The following PDHX variants were observed in gnomAD, a reference collection of about 807,000 sequenced individuals.
PDHX encodes the protein pyruvate dehydrogenase protein X component, mitochondrial.
Under a neutral mutation model 55.3 loss-of-function variants are expected in PDHX, and 33 were observed. The ratio of observed to expected loss-of-function variants is 0.60; its 90% confidence interval spans 0.45 to 0.80. The LOEUF (loss-of-function observed/expected upper bound fraction) is 0.80. Among genes scored for constraint, PDHX ranks in the 30% least tolerant of loss-of-function variants. The pLI is 0.00. For synonymous variants in PDHX, 226 were observed against 219.4 expected (o/e 1.03, Z -0.27); for missense variants, 622 against 619.9 (o/e 1.00, Z -0.04).
At position 34,960,440 on chromosome 11, in the gene PDHX, C is replaced by G; in HGVS notation, c.563C>G (p.Ala188Gly). The change falls in exon 5 of 11, where the codon GCC becomes GGC. Residue 188 changes from alanine (A) to glycine (G), a missense_variant. Coordinates refer to ENST00000227868, the MANE Select transcript of PDHX (RefSeq NM_003477.3). ...GTLRFRLSPA[A>G]RNILEKHSLD... ...CTTAGGTTCCGTTTAAGTCCAGCTG[C>G]CCGCAATATTCTGGAAAAACACTCA... The G allele has an allele frequency of 1.2e-6, 2 of 1,612,958 alleles. No individual in the cohort carries two copies. Among genetic ancestry groups the G allele is most frequent in the Non-Finnish European group, 1.7e-6 (2 of 1,179,224 alleles).
intron 7 of PDHX, 126 bp downstream of exon 7, chr11:34,970,412 G>T: frequency 2.5e-6 from 2 of 789,892 alleles, no homozygotes; most frequent in South Asian, 1.6e-5. Flanking sequence ...TAATGTACTT[G>T]CACTCTACTC....
chr11:34,992,783 C>G (rs2134006495), intron 10 of PDHX, among the ~76,000 whole-genome samples: 1 of 152,160 alleles, frequency 6.6e-6, no homozygotes, highest in African/African-American at 2.4e-5. Context: ...TGCGTTGCTT[C>G]CAGTTCGGGG....
chr11:34,969,080 C>T (rs1233714510), intron 6 of PDHX, among the ~76,000 whole-genome samples: 1 of 152,144 alleles, frequency 6.6e-6, no homozygotes, highest in African/African-American at 2.4e-5. Context: ...GGCAAACAAC[C>T]ACTGCTCTGC....
At chr11:34,977,283 C>T (rs1209626693) in intron 7 of PDHX, among the ~76,000 whole-genome samples, 1 of 152,080 alleles carries the variant, frequency 6.6e-6, no homozygotes, top group African/African-American at 2.4e-5. Flanking sequence ...TAAGCTCTTG[C>T]AAGAAAGAAT....
chr11:34,988,108 G>C (rs112471707), intron 9 of PDHX, among the ~76,000 whole-genome samples: 7,167 of 152,072 alleles, frequency 0.047, 536 homozygotes, highest in African/African-American at 0.16. Context: ...TTTAATTCCA[G>C]GGTAAAATCT....
chr11:34,916,804 A>C lies in PDHX; in HGVS notation c.149A>C (p.Gln50Pro), dbSNP rs1565144407. ...GANWRWFHST[Q>P]WLRGDPIKIL... ...AATTGGAGATGGTTTCACAGCACGC[A>C]GTGGCTTCGGGGTGAGTGGCCGGGG... Residue 50 changes from glutamine (Q) to proline (P), a missense_variant, in exon 1 of 11, where the codon CAG (glutamine) becomes CCG (proline). By Grantham distance (76) the Gln-to-Pro change is moderately conservative. Coordinates refer to ENST00000227868, the MANE Select transcript of PDHX (RefSeq NM_003477.3). 1.3e-6 allele frequency: 2 copies of C among 1,579,992 alleles called. No individual in the cohort carries two copies. The highest frequency in any genetic ancestry group is 8.6e-7 in the Non-Finnish European group (1 of 1,163,428).
Position 34,931,731 on chromosome 11 carries a change from C to T in PDHX, c.241+247C>T, listed in dbSNP as rs1854177399. On this transcript the variant is annotated intron_variant, in intron 2 of 10. Transcript: ENST00000227868. ...TAAAAAATATTTTAAGGCTTTTTCC[C>T]CAACTTTTAGTCCTTATGCCTAGCT... Among the ~76,000 whole-genome samples the T allele has an allele frequency of 4.6e-5, 7 of 151,684 alleles. No homozygotes were observed. The South Asian group carries it at 1.0e-3, about 22-fold the overall frequency.
At chr11:34,956,951 A>G (rs1013461067) in intron 3 of PDHX, among the ~76,000 whole-genome samples, 3 of 152,230 alleles carry the variant, frequency 2.0e-5, no homozygotes, top group Admixed American at 6.5e-5. Flanking sequence ...AGATTGGACT[A>G]AGTTGAGGGA....
intron 7 of PDHX, among the ~76,000 whole-genome samples, chr11:34,974,062 CAGTT>C (rs2133987393): frequency 6.6e-6 from 1 of 152,254 alleles, no homozygotes. Context: ...TTTCCGTGTA[CAGTT>C]AGTTCGTTGA....
chr11:34,965,994 C>A (rs1050243369), intron 5 of PDHX, among the ~76,000 whole-genome samples: 1 of 152,014 alleles, frequency 6.6e-6, no homozygotes, highest in African/African-American at 2.4e-5. Context: ...CTAATTATAT[C>A]CTCTTACAAG....
intron 3 of PDHX, among the ~76,000 whole-genome samples, chr11:34,951,932 T>C (rs3118072): frequency 0.7 from 106,535 of 151,824 alleles, 37,562 homozygotes; most frequent in East Asian, 0.77. Flanking sequence ...CCAGTTTTCC[T>C]AGCACCATTT....
rs564367035 is a variant in PDHX at position 34,984,798 on chromosome 11, G to T, written c.1182+70G>T. 3.0e-5 allele frequency: 44 copies of T among 1,448,792 alleles called. No homozygotes were observed. In the African/African-American group the frequency reaches 5.6e-4, roughly 18 times the overall value. 89.7% of individuals were successfully genotyped at this position (1,448,792 alleles called of 1,614,324 possible). On this transcript the variant is annotated intron_variant, in intron 9 of 10. Coordinates refer to ENST00000227868, the MANE Select transcript of PDHX (RefSeq NM_003477.3). ...TTTTGGATAATTACTTTCTGATAAA[G>T]TTGTGACGTAATCTAGTCAGACTGT...
chr11:34,917,323 C>T (rs778931541), intron 1 of PDHX, among the ~76,000 whole-genome samples: 1 of 152,122 alleles, frequency 6.6e-6, no homozygotes, highest in Non-Finnish European at 1.5e-5. Context: ...TTTGTAAATT[C>T]CTACGGCATC....
intron 1 of PDHX, among the ~76,000 whole-genome samples, chr11:34,929,872 AAAGGGT>A (rs751831660): frequency 2.6e-4 from 39 of 152,198 alleles, no homozygotes; most frequent in Middle Eastern, 6.8e-3. Flanking sequence ...TGAGAGAGAG[AAAGGGT>A]AAGACAGATA....
intron 1 of PDHX, among the ~76,000 whole-genome samples, chr11:34,919,650 G>A (rs1853826785): frequency 1.3e-5 from 2 of 152,166 alleles, no homozygotes; most frequent in South Asian, 4.1e-4. Flanking sequence ...ATGAACTGAA[G>A]TGCATGTATA....
chr11:34,957,332 A>T, intron 3 of PDHX, 52 bp from the exon 4 acceptor site: 1 of 1,189,260 alleles, frequency 8.4e-7, no homozygotes, highest in Non-Finnish European at 1.3e-6. Flanking sequence ...CAAACTACTT[A>T]ATGCAGTCAT....
chr11:34,953,577 C>T (rs1221949382), intron 3 of PDHX, among the ~76,000 whole-genome samples: 3 of 152,162 alleles, frequency 2.0e-5, no homozygotes, highest in African/African-American at 7.2e-5. Flanking sequence ...TTGTTACATC[C>T]ACTTTATACC....
chr11:34,951,481 G>A (rs897297070), intron 3 of PDHX, among the ~76,000 whole-genome samples: 2 of 152,126 alleles, frequency 1.3e-5, no homozygotes, highest in Non-Finnish European at 2.9e-5. Context: ...TCTTTTGGCT[G>A]CATAAATGTC....
intron 5 of PDHX, among the ~76,000 whole-genome samples, chr11:34,962,984 T>TC: frequency 6.6e-6 from 1 of 152,298 alleles, no homozygotes; most frequent in South Asian, 2.1e-4. Context: ...CCTTTTCTCT[T>TC]CCCTGCCTTT....
Sources: gnomAD v4.1 joint callset for allele counts (sites outside exome capture counted in the v4.1 genomes callset) on GRCh38, gnomAD v4.1.1 for gene constraint, MANE v1.5 for transcripts, NCBI Gene and HGNC (gene_info 2026-07-23, HGNC 2026-07-21) for gene names.